The following KIF6 variants were observed in gnomAD, a reference collection of about 807,000 sequenced individuals.
KIF6 encodes the protein kinesin family member 6, also known as kinesin-like protein KIF6.
KIF6 carries 106 observed loss-of-function variants against 112.7 expected under a neutral mutation model. The ratio of observed to expected loss-of-function variants is 0.94; its 90% confidence interval spans 0.80 to 1.11. KIF6 has a LOEUF of 1.11. Among genes scored for constraint, KIF6 ranks in the 50% least tolerant of loss-of-function variants. The probability of loss-of-function intolerance (pLI) is 0.00; values close to 1 mark genes in which losing one functional copy is unlikely to be tolerated. For missense variants in KIF6, 929 were observed against 964.0 expected, an observed-to-expected ratio of 0.96 and a Z score of 0.48; for synonymous variants, 339 against 339.9, an observed-to-expected ratio of 1.00 and a Z score of 0.03.
chr6:39,369,563 C>A (rs1194957790), intron 16 of KIF6, among the ~76,000 whole-genome samples: 2 of 152,184 alleles, frequency 1.3e-5, no homozygotes, highest in Admixed American at 6.5e-5. Flanking sequence ...TGTGAGTAAT[C>A]TTCCCTGCTA....
intron 15 of KIF6, among the ~76,000 whole-genome samples, chr6:39,401,704 G>A (rs781670756): frequency 2.6e-5 from 4 of 152,062 alleles, no homozygotes; most frequent in Non-Finnish European, 5.9e-5. Flanking sequence ...GGGGGAGTGG[G>A]TAGTGCTAGC....
chr6:39,344,598 G>A (rs1032895185), intron 21 of KIF6, among the ~76,000 whole-genome samples: 2 of 151,906 alleles, frequency 1.3e-5, no homozygotes, highest in African/African-American at 4.8e-5. Flanking sequence ...GTCACATGGC[G>A]GCTGTGCTTT....
At chr6:39,388,289 T>C (rs1475514708) in intron 15 of KIF6, among the ~76,000 whole-genome samples, 1 of 151,852 alleles carries the variant, frequency 6.6e-6, no homozygotes, top group Non-Finnish European at 1.5e-5. Flanking sequence ...GAAGTATTTT[T>C]TTTTTTTTGG....
chr6:39,434,234 G>T (rs1253892401), intron 13 of KIF6, among the ~76,000 whole-genome samples: 1 of 152,066 alleles, frequency 6.6e-6, no homozygotes, highest in African/African-American at 2.4e-5. Flanking sequence ...TTTGATTCTT[G>T]ATTTAAAGAA....
chr6:39,337,004 T>TTCCC (rs1254384891), intron 22 of KIF6, among the ~76,000 whole-genome samples: 10 of 142,694 alleles, frequency 7.0e-5, no homozygotes, highest in African/African-American at 1.6e-4. Context: ...CCTTCCTTTC[T>TTCCC]TCCCTCCCTC....
At chr6:39,470,511 A>T (rs1774057260) in intron 13 of KIF6, among the ~76,000 whole-genome samples, 1 of 152,136 alleles carries the variant, frequency 6.6e-6, no homozygotes, top group African/African-American at 2.4e-5. Flanking sequence ...TGTCCTCAAG[A>T]TTATCTAAGA....
chr6:39,398,513 A>G (rs1264882154), intron 15 of KIF6, among the ~76,000 whole-genome samples: 1 of 152,260 alleles, frequency 6.6e-6, no homozygotes, highest in Non-Finnish European at 1.5e-5. Context: ...TCTGGATATT[A>G]TCTTTGAGAA....
intron 13 of KIF6, among the ~76,000 whole-genome samples, chr6:39,507,933 C>T (rs1401492396): frequency 7.9e-6 from 1 of 127,288 alleles, no homozygotes; most frequent in Non-Finnish European, 1.7e-5. Context: ...TTCTTTCCTC[C>T]TACTCCCCTC....
chr6:39,471,151 C>A (rs1774096690), intron 13 of KIF6, among the ~76,000 whole-genome samples: 1 of 152,146 alleles, frequency 6.6e-6, no homozygotes, highest in Admixed American at 6.5e-5. Context: ...CTCTCCTGTT[C>A]TTCTTTTCCC....
chr6:39,722,043 CATAAA>C (rs1554158214), intron 1 of KIF6, among the ~76,000 whole-genome samples: 1 of 151,978 alleles, frequency 6.6e-6, no homozygotes, highest in Non-Finnish European at 1.5e-5. Context: ...AAAGTCATTA[CATAAA>C]ATAAAGTATT....
At position 39,627,749 on chromosome 6, in the gene KIF6, G is replaced by A. The variant is rs117756644; in HGVS notation, c.509+7100C>T. Among the ~76,000 whole-genome samples, 260 of 152,148 alleles carry A rather than the reference G, an allele frequency of 1.7e-3. 6 individuals are homozygous for A. In the East Asian group the frequency reaches 0.037, roughly 22 times the overall value. Reference sequence around the variant, plus strand: ...TTTTATAGTAATAACCATGACAATCGTTAGAATCTTAAATGGAATATGCTT... The same window carrying A: ...TTTTATAGTAATAACCATGACAATCATTAGAATCTTAAATGGAATATGCTT... On this transcript the variant is annotated intron_variant, in intron 5 of 22. Transcript: ENST00000287152.
chr6:39,408,157 T>C (rs999634967), intron 15 of KIF6, among the ~76,000 whole-genome samples: 1 of 152,082 alleles, frequency 6.6e-6, no homozygotes, highest in Non-Finnish European at 1.5e-5. Context: ...GAAATGCAAA[T>C]GAAAACAATA....
intron 19 of KIF6, among the ~76,000 whole-genome samples, chr6:39,347,314 T>C (rs1763881662): frequency 6.6e-6 from 1 of 152,214 alleles, no homozygotes; most frequent in Non-Finnish European, 1.5e-5. Context: ...CTGACCACAC[T>C]GCCTGCCCCT....
In KIF6 at chr6:39,343,343, G is replaced by T; in HGVS notation, c.2428+366C>A. ...AGACTTTAAGCCAGGGGTTCAACGA[G>T]TTACCAAAACATCACTCAGCCCCTT... On this transcript the variant is annotated intron_variant, in intron 22 of 22. Transcript: ENST00000287152. The surrounding 1 kb of genome is among the most constrained non-coding windows in gnomAD (Gnocchi z 4.1). 1 of 1,302,940 alleles carries T rather than the reference G, an allele frequency of 7.7e-7. No homozygotes were observed. Among genetic ancestry groups the T allele is most frequent in the Non-Finnish European group, 1.0e-6 (1 of 997,740 alleles). 80.7% of individuals were successfully genotyped at this position (1,302,940 alleles called of 1,614,324 possible). A position where few individuals can be genotyped will look rare whatever the true frequency, so the allele number is the denominator to read the frequency against.
chr6:39,705,799 C>T (rs1230811500), intron 3 of KIF6, among the ~76,000 whole-genome samples: 1 of 152,182 alleles, frequency 6.6e-6, no homozygotes, highest in Admixed American at 6.5e-5. Context: ...AGAAATAAGT[C>T]CCAGTTGCTT....
At chr6:39,367,402 C>A (rs572754849) in intron 16 of KIF6, among the ~76,000 whole-genome samples, 23 of 152,242 alleles carry the variant, frequency 1.5e-4, no homozygotes, top group African/African-American at 5.1e-4. Flanking sequence ...CTGGCTGGGA[C>A]AGCAGCACAG....
chr6:39,575,563 C>G (rs1780919319), intron 10 of KIF6, among the ~76,000 whole-genome samples: 1 of 152,162 alleles, frequency 6.6e-6, no homozygotes, highest in African/African-American at 2.4e-5. Context: ...AGCCACCACG[C>G]CCGGCTGCTT....
intron 13 of KIF6, among the ~76,000 whole-genome samples, chr6:39,476,004 C>A (rs890861952): frequency 2.0e-5 from 3 of 151,612 alleles, no homozygotes; most frequent in Admixed American, 6.6e-5. Flanking sequence ...ACAAAAAGAA[C>A]ACATGGACAC....
At chr6:39,662,793 A>G (rs761427952) in intron 3 of KIF6, among the ~76,000 whole-genome samples, 1 of 152,170 alleles carries the variant, frequency 6.6e-6, no homozygotes, top group South Asian at 2.1e-4. Context: ...GCGTACCCCA[A>G]TGTCTTCAGA....
Sources: gnomAD v4.1 joint callset for allele counts (sites outside exome capture counted in the v4.1 genomes callset) on GRCh38, gnomAD v4.1.1 for gene constraint, Gnocchi (gnomAD v3.1) non-coding constraint, MANE v1.5 for transcripts, NCBI Gene and HGNC (gene_info 2026-07-23, HGNC 2026-07-21) for gene names.